Variants in DYNLL2 observed in about 807,000 individuals in gnomAD.
The protein encoded by DYNLL2 is dynein light chain 2, cytoplasmic.
A neutral mutation model predicts 9.7 loss-of-function variants in DYNLL2; 1 was observed. The observed-to-expected ratio is 0.10, with a 90% CI of 0.04 to 0.49. The LOEUF (loss-of-function observed/expected upper bound fraction) is 0.49, where lower values mean the gene tolerates loss of function less well. Ranked by LOEUF, DYNLL2 falls within the 20% of genes least tolerant of loss-of-function variation. DYNLL2 has a pLI of 0.95. For synonymous variants in DYNLL2, 35 were observed against 40.5 expected, an observed-to-expected ratio of 0.86 and a Z score of 0.52; for missense variants, 37 against 115.2, an observed-to-expected ratio of 0.32 and a Z score of 3.11.
In DYNLL2 at chr17:58,095,220, T is replaced by A. The variant is rs2075793883; in HGVS notation, c.*5941T>A. On this transcript the variant is annotated 3_prime_UTR_variant, in exon 3 of 3. Transcript: ENST00000579991. Reference sequence around the variant, plus strand: ...TGGTCCATGACATTAGGTATACAGATTACAATTTCTGAACTCTGCCATTCC... The same window carrying A: ...TGGTCCATGACATTAGGTATACAGAATACAATTTCTGAACTCTGCCATTCC... The A allele has an allele frequency of 6.6e-6, 1 of 152,232 alleles. No homozygotes were observed. Among genetic ancestry groups the A allele is most frequent in the South Asian group, 2.1e-4 (1 of 4,832 alleles). 9.4% of individuals were successfully genotyped at this position (152,232 alleles called of 1,614,324 possible).
At position 58,093,410 on chromosome 17, in the gene DYNLL2, G is replaced by C. The variant is rs1296965504; in HGVS notation, c.*4131G>C. 6.6e-6 allele frequency: 1 copy of C among 152,176 alleles called. No homozygotes were observed. Among genetic ancestry groups the C allele is most frequent in the Non-Finnish European group, 1.5e-5 (1 of 68,036 alleles). 9.4% of individuals were successfully genotyped at this position (152,176 alleles called of 1,614,324 possible). A position where few individuals can be genotyped will look rare whatever the true frequency, so the allele number is the denominator to read the frequency against. On this transcript the variant is annotated 3_prime_UTR_variant, in exon 3 of 3. Coordinates refer to ENST00000579991, the MANE Select transcript of DYNLL2 (RefSeq NM_080677.3). ...ATTTCAGTTTATGTTGCTGAAACCTGAGAGCGCCCCCCTGAGCTAGACTCA... is the reference window on the plus strand; with the variant it reads ...ATTTCAGTTTATGTTGCTGAAACCTCAGAGCGCCCCCCTGAGCTAGACTCA...
intron 1 of DYNLL2, among the ~76,000 whole-genome samples, chr17:58,086,071 A>G (rs1263369702): frequency 6.6e-6 from 1 of 152,172 alleles, no homozygotes; most frequent in Non-Finnish European, 1.5e-5. Flanking sequence ...GGAGGATGGG[A>G]CAGAGAGAGA....
Position 58,090,177 on chromosome 17 carries a change from T to C in DYNLL2, c.*898T>C, listed in dbSNP as rs1043028600. On this transcript the variant is annotated 3_prime_UTR_variant, in exon 3 of 3. Coordinates refer to ENST00000579991, the MANE Select transcript of DYNLL2 (RefSeq NM_080677.3). ...TGACTGTAGTTCCTTAGTTAGGTCT[T>C]AGCAATCAAACCAAATTGATGTCTC... The C allele has an allele frequency of 2.8e-5, 10 of 354,550 alleles. No individual in the cohort carries two copies. Among genetic ancestry groups the C allele is most frequent in the South Asian group, 3.0e-4 (2 of 6,654 alleles). 22.0% of individuals were successfully genotyped at this position (354,550 alleles called of 1,614,324 possible). A position where few individuals can be genotyped will look rare whatever the true frequency, so the allele number is the denominator to read the frequency against.
rs751283300 is a variant in DYNLL2 at position 58,089,180 on chromosome 17, C to T, written c.171C>T (p.Ile57=). 6.8e-6 allele frequency: 11 copies of T among 1,613,980 alleles called. No individual in the cohort carries two copies. The highest frequency in any genetic ancestry group is 2.2e-5 in the East Asian group (1 of 44,854). Residue 57 remains isoleucine, a synonymous_variant, in exon 3 of 3, where the codon ATC becomes ATT. Coordinates refer to ENST00000579991, the MANE Select transcript of DYNLL2 (RefSeq NM_080677.3). ...AATATAACCCTACCTGGCATTGTAT[C>T]GTGGGCCGAAATTTTGGCAGCTACG... ...DKKYNPTWHC[I]VGRNFGSYVT...
chr17:58,086,143 C>T (rs1032889729), intron 1 of DYNLL2, among the ~76,000 whole-genome samples: 6 of 152,188 alleles, frequency 3.9e-5, no homozygotes, highest in African/African-American at 7.2e-5. Flanking sequence ...CTACCTCTTA[C>T]GGGCATCTCA....
rs2075780196 is a variant in DYNLL2 at position 58,091,569 on chromosome 17, GC to G, written c.*2293del. ...CCTGAGCTTTGCTGCTTCAACTTTT[GC>G]CCAAAGCTCTTATCTTTCATACTCC... On this transcript the variant is annotated 3_prime_UTR_variant, in exon 3 of 3. Transcript: ENST00000579991. 6.6e-6 allele frequency: 1 copy of G among 152,116 alleles called. No homozygotes were observed. The highest frequency in any genetic ancestry group is 1.5e-5 in the Non-Finnish European group (1 of 68,050). 9.4% of individuals were successfully genotyped at this position (152,116 alleles called of 1,614,324 possible).
intron 1 of DYNLL2, among the ~76,000 whole-genome samples, chr17:58,084,441 A>T (rs1378474279): frequency 6.6e-6 from 1 of 152,076 alleles, no homozygotes; most frequent in Non-Finnish European, 1.5e-5. Context: ...TGCTTTTCAC[A>T]GGAGCCTTGG....
At chr17:58,084,535 A>G (rs1475363399) in intron 1 of DYNLL2, among the ~76,000 whole-genome samples, 1 of 151,896 alleles carries the variant, frequency 6.6e-6, no homozygotes, top group Non-Finnish European at 1.5e-5. Context: ...TTTCCCAAGG[A>G]GGGAGGGGCT....
intron 1 of DYNLL2, among the ~76,000 whole-genome samples, chr17:58,083,984 G>A (rs1031340830): frequency 6.6e-6 from 1 of 151,914 alleles, no homozygotes; most frequent in Admixed American, 6.5e-5. Context: ...GTCTCTCTGC[G>A]CTGCGTGGAG....
intron 1 of DYNLL2, among the ~76,000 whole-genome samples, chr17:58,084,929 C>CT (rs1204472858): frequency 6.6e-6 from 1 of 151,926 alleles, no homozygotes; most frequent in African/African-American, 2.4e-5. Flanking sequence ...ATGTAAGAAC[C>CT]TTTCTCCCTG....
intron 1 of DYNLL2, among the ~76,000 whole-genome samples, chr17:58,083,984 G>T (rs1031340830): frequency 3.9e-5 from 6 of 151,914 alleles, no homozygotes; most frequent in Non-Finnish European, 7.4e-5. Flanking sequence ...GTCTCTCTGC[G>T]CTGCGTGGAG....
Position 58,092,585 on chromosome 17 carries a change from T to A in DYNLL2, c.*3306T>A, listed in dbSNP as rs1184650180. On this transcript the variant is annotated 3_prime_UTR_variant, in exon 3 of 3. Transcript: ENST00000579991. ...TAGGAGCATCAATATCCCTGCTCCT[T>A]GTATCCTGTTCTCCAGTCTTCTGGG... The A allele has an allele frequency of 6.6e-6, 1 of 152,250 alleles. No homozygotes were observed. The highest frequency in any genetic ancestry group is 1.5e-5 in the Non-Finnish European group (1 of 68,058). The allele number at this position is 152,250 out of a possible 1,614,324, so 9.4% of individuals were successfully genotyped here. A position where few individuals can be genotyped will look rare whatever the true frequency, so the allele number is the denominator to read the frequency against.
Position 58,094,685 on chromosome 17 carries a change from A to C in DYNLL2, c.*5406A>C, listed in dbSNP as rs1023303748. On this transcript the variant is annotated 3_prime_UTR_variant, in exon 3 of 3. Transcript: ENST00000579991. Reference sequence around the variant, plus strand: ...TTTTAGCATATACACGAATTTGTGCAGCCATAACCACTATCTAATTCTAGA... The same window carrying C: ...TTTTAGCATATACACGAATTTGTGCCGCCATAACCACTATCTAATTCTAGA... 44 of 152,338 alleles carry C rather than the reference A, an allele frequency of 2.9e-4. No individual in the cohort carries two copies. The highest frequency in any genetic ancestry group is 9.9e-4 in the African/African-American group (41 of 41,556). 9.4% of individuals were successfully genotyped at this position (152,338 alleles called of 1,614,324 possible). A position where few individuals can be genotyped will look rare whatever the true frequency, so the allele number is the denominator to read the frequency against.
rs933138772 is a variant in DYNLL2, at chr17:58,090,139, A to G, written c.*860A>G. ...AGCCCCTGTTGTTAGTTGGCTGGCA[A>G]GGGAATTTCTGGTGACTGTAGTTCC... On this transcript the variant is annotated 3_prime_UTR_variant, in exon 3 of 3. Coordinates refer to ENST00000579991, the MANE Select transcript of DYNLL2 (RefSeq NM_080677.3). The G allele has an allele frequency of 2.6e-6, 1 of 384,580 alleles. No homozygotes were observed. Among genetic ancestry groups the G allele is most frequent in the Non-Finnish European group, 4.6e-6 (1 of 217,972 alleles). 23.8% of individuals were successfully genotyped at this position (384,580 alleles called of 1,614,324 possible). A position where few individuals can be genotyped will look rare whatever the true frequency, so the allele number is the denominator to read the frequency against.
chr17:58,084,363 G>A (rs1462101302), intron 1 of DYNLL2, among the ~76,000 whole-genome samples: 2 of 152,184 alleles, frequency 1.3e-5, no homozygotes, highest in Non-Finnish European at 2.9e-5. Flanking sequence ...GTCATTCGGA[G>A]ATTTAGCCTT....
In DYNLL2 at chr17:58,092,382, G is replaced by A. The variant is rs1567767620; in HGVS notation, c.*3103G>A. ...ACAACACATTCCTGCACAGGTAGGT[G>A]CACAGTGCTCATCTGGAAGACTAAT... On this transcript the variant is annotated 3_prime_UTR_variant, in exon 3 of 3. Transcript: ENST00000579991. 2 of 152,226 alleles carry A rather than the reference G, an allele frequency of 1.3e-5. No homozygotes were observed. The highest frequency in any genetic ancestry group is 2.1e-4 in the South Asian group (1 of 4,832). 9.4% of individuals were successfully genotyped at this position (152,226 alleles called of 1,614,324 possible).
At position 58,092,903 on chromosome 17, in the gene DYNLL2, C is replaced by T. The variant is rs981751402; in HGVS notation, c.*3624C>T. On this transcript the variant is annotated 3_prime_UTR_variant, in exon 3 of 3. Transcript: ENST00000579991. Reference sequence around the variant, plus strand: ...AGTCTTTGCTCAAACATCCTTTTATCAGAGAGGCTTTCTGACATCCTGTGC... The same window carrying T: ...AGTCTTTGCTCAAACATCCTTTTATTAGAGAGGCTTTCTGACATCCTGTGC... The T allele has an allele frequency of 2.0e-5, 3 of 152,258 alleles. No homozygotes were observed. The highest frequency in any genetic ancestry group is 2.0e-4 in the Admixed American group (3 of 15,292). 9.4% of individuals were successfully genotyped at this position (152,258 alleles called of 1,614,324 possible). A position where few individuals can be genotyped will look rare whatever the true frequency, so the allele number is the denominator to read the frequency against.
At chr17:58,087,870 A>C (rs2075765906) in intron 2 of DYNLL2, among the ~76,000 whole-genome samples, 1 of 152,218 alleles carries the variant, frequency 6.6e-6, no homozygotes, top group Non-Finnish European at 1.5e-5. Context: ...AAGTAAGAAA[A>C]GGGGTACTGG....
intron 2 of DYNLL2, among the ~76,000 whole-genome samples, chr17:58,088,729 G>A (rs534220949): frequency 6.6e-6 from 1 of 152,278 alleles, no homozygotes; most frequent in African/African-American, 2.4e-5. Flanking sequence ...GGTTAATTAT[G>A]TGTGAGGCAG....
Sources: gnomAD v4.1 joint callset for allele counts (sites outside exome capture counted in the v4.1 genomes callset) on GRCh38, gnomAD v4.1.1 for gene constraint, MANE v1.5 for transcripts, NCBI Gene and HGNC (gene_info 2026-07-23, HGNC 2026-07-21) for gene names.